Variants in ADCY7 observed in about 807,000 individuals in gnomAD.
The protein encoded by ADCY7 is adenylate cyclase 7.
ADCY7 carries 72 observed loss-of-function variants against 120.6 expected under a neutral mutation model. The ratio of observed to expected loss-of-function variants is 0.60; its 90% CI spans 0.49 to 0.73. The LOEUF is 0.73. Among genes scored for constraint, ADCY7 ranks in the 30% least tolerant of loss-of-function variants. ADCY7 has a pLI of 0.00. For synonymous variants in ADCY7, 661 were observed against 628.0 expected, an observed-to-expected ratio of 1.05 and a Z score of -0.78; for missense variants, 1,227 against 1,486.0, an observed-to-expected ratio of 0.83 and a Z score of 2.87.
intron 1 of ADCY7, among the ~76,000 whole-genome samples, chr16:50,251,283 G>A (rs757307931): frequency 6.6e-6 from 1 of 152,118 alleles, no homozygotes; most frequent in Non-Finnish European, 1.5e-5. Flanking sequence ...TGTCTTATGA[G>A]ATTGTGGTGT....
intron 1 of ADCY7, among the ~76,000 whole-genome samples, chr16:50,284,090 T>C (rs939808398): frequency 1.3e-5 from 2 of 152,146 alleles, no homozygotes; most frequent in Middle Eastern, 3.2e-3. Flanking sequence ...CCTTGAAAAC[T>C]TCCCGGGCAG....
Position 50,288,229 on chromosome 16 carries a change from A to T in ADCY7, c.50A>T (p.Asp17Val), listed in dbSNP as rs1382461066. The change falls in exon 2 of 26, where the codon GAC (aspartate) becomes GTC (valine). Residue 17 changes from aspartate to valine, a missense_variant. Transcript: ENST00000673801. ...CTCAACGAGGGCGAGGAGGGCCCTGACCAAGATGCGCTCTACGAGAAGTAC... is the reference window on the plus strand; with the variant it reads ...CTCAACGAGGGCGAGGAGGGCCCTGTCCAAGATGCGCTCTACGAGAAGTAC... ...YFLNEGEEGP[D>V]QDALYEKYQL... is the part of the protein sequence containing the mutation. 6.4e-7 allele frequency: 1 copy of T among 1,551,438 alleles called. No homozygotes were observed. Among genetic ancestry groups the T allele is most frequent in the Non-Finnish European group, 8.7e-7 (1 of 1,147,114 alleles).
At position 50,315,849 on chromosome 16, in the gene ADCY7, C is replaced by T; in HGVS notation, c.*344C>T. 4.2e-6 allele frequency: 1 copy of T among 237,950 alleles called. No homozygotes were observed. Among genetic ancestry groups the T allele is most frequent in the Non-Finnish European group, 8.6e-6 (1 of 116,580 alleles). 14.7% of individuals were successfully genotyped at this position (237,950 alleles called of 1,614,324 possible). On this transcript the variant is annotated 3_prime_UTR_variant, in exon 26 of 26. Transcript: ENST00000673801. ...TTAGCACATGATGAAAACAGACTTCCACCTCAGTGGCCTGTGGGCACGCAC... is the reference window on the plus strand; with the variant it reads ...TTAGCACATGATGAAAACAGACTTCTACCTCAGTGGCCTGTGGGCACGCAC...
At chr16:50,304,616 T>G (rs2035943052) in intron 11 of ADCY7, 65 bp downstream of exon 11, 3 of 1,436,228 alleles carry the variant, frequency 2.1e-6, no homozygotes, top group Middle Eastern at 1.9e-4. Flanking sequence ...GGAGAGTGAG[T>G]GCTGAAGATC....
In ADCY7 at chr16:50,316,699, G is replaced by GTCTT. The variant is rs1350172614; in HGVS notation, c.*1195_*1198dup. ...GCAAAAAGCCAGGTTTTGGGGATGT[G>GTCTT]TCTTACTGTGCTTCAACTTCCCAAG... On this transcript the variant is annotated 3_prime_UTR_variant, in exon 26 of 26. Transcript: ENST00000673801. 4 of 152,326 alleles carry GTCTT rather than the reference G, an allele frequency of 2.6e-5. No homozygotes were observed. Among genetic ancestry groups the GTCTT allele is most frequent in the African/African-American group, 9.7e-5 (4 of 41,432 alleles). 9.4% of individuals were successfully genotyped at this position (152,326 alleles called of 1,614,324 possible).
chr16:50,315,654 C>CA lies in ADCY7; in HGVS notation c.*150dup. On this transcript the variant is annotated 3_prime_UTR_variant, in exon 26 of 26. Transcript: ENST00000673801. ...TTTGGACCTGCACTGGAGGATTTCTCAGACACATGCACCAGATTCTGGCTC... is the reference window on the plus strand; with the variant it reads ...TTTGGACCTGCACTGGAGGATTTCTCAAGACACATGCACCAGATTCTGGCTC... 1.0e-6 allele frequency: 1 copy of CA among 963,774 alleles called. No homozygotes were observed. The highest frequency in any genetic ancestry group is 1.7e-5 in the South Asian group (1 of 57,380). 59.7% of individuals were successfully genotyped at this position (963,774 alleles called of 1,614,324 possible).
At chr16:50,292,575 G>A (rs1490322556) in intron 4 of ADCY7, 101 bp from the exon 5 acceptor site, 1 of 1,436,272 alleles carries the variant, frequency 7.0e-7, no homozygotes, top group Admixed American at 2.0e-5. Flanking sequence ...TGAAGGTCAG[G>A]GAATGGGAAG....
At chr16:50,278,043 G>A (rs2034011819) in intron 1 of ADCY7, among the ~76,000 whole-genome samples, 2 of 151,370 alleles carry the variant, frequency 1.3e-5, no homozygotes, top group African/African-American at 2.4e-5. Flanking sequence ...GGTTGGTTGT[G>A]GGTTGCTTTT....
upstream of ADCY7, among the ~76,000 whole-genome samples, chr16:50,264,137 G>T (rs1417121754): frequency 6.6e-6 from 1 of 152,130 alleles, no homozygotes; most frequent in East Asian, 1.9e-4. Flanking sequence ...CCAATCAGCG[G>T]CCTCCCTAGA....
At chr16:50,298,035 G>A (rs1180318390) in intron 7 of ADCY7, among the ~76,000 whole-genome samples, 1 of 152,024 alleles carries the variant, frequency 6.6e-6, no homozygotes, top group African/African-American at 2.4e-5. Context: ...GAGGGCTCTC[G>A]GGGGTCCCCT....
At chr16:50,286,782 G>A (rs951845275) in intron 1 of ADCY7, among the ~76,000 whole-genome samples, 4 of 152,164 alleles carry the variant, frequency 2.6e-5, no homozygotes, top group Admixed American at 6.5e-5. Context: ...GAGGATGGCC[G>A]GTTCACTGAA....
At chr16:50,312,768 C>T in intron 21 of ADCY7, 122 bp from the exon 22 acceptor site, 2 of 893,996 alleles carry the variant, frequency 2.2e-6, no homozygotes, top group Non-Finnish European at 1.6e-6. Context: ...GCCCGCCCCC[C>T]TCCCCACTCC....
chr16:50,309,336 T>A, intron 17 of ADCY7: 1 of 530,454 alleles, frequency 1.9e-6, no homozygotes, highest in Non-Finnish European at 3.3e-6. Context: ...TCTGGGGGTG[T>A]CTGCACCCTC....
chr16:50,293,881 C>CG (rs2035166622), intron 6 of ADCY7, among the ~76,000 whole-genome samples: 1 of 152,210 alleles, frequency 6.6e-6, no homozygotes, highest in Admixed American at 6.5e-5. Context: ...AAGAGTGCCC[C>CG]GGTTCTGACA....
At chr16:50,280,036 A>AT (rs1475903926) in intron 1 of ADCY7, among the ~76,000 whole-genome samples, 10 of 152,172 alleles carry the variant, frequency 6.6e-5, no homozygotes, top group Non-Finnish European at 1.5e-5. Flanking sequence ...TCTTCTTCGT[A>AT]TATCTGGTAG....
chr16:50,271,967 T>TC (rs2033604138), intron 1 of ADCY7, among the ~76,000 whole-genome samples: 1 of 152,040 alleles, frequency 6.6e-6, no homozygotes, highest in African/African-American at 2.4e-5. Context: ...TGTCCCTGTT[T>TC]CCCCCACCAC....
rs1026239167 is a variant in ADCY7, at chr16:50,297,943, A to G, written c.949-961A>G. Among the ~76,000 whole-genome samples, 1 of 151,914 alleles carries G rather than the reference A, an allele frequency of 6.6e-6. No homozygotes were observed. Among genetic ancestry groups the G allele is most frequent in the African/African-American group, 2.4e-5 (1 of 41,360 alleles). On this transcript the variant is annotated intron_variant, in intron 7 of 25. Transcript: ENST00000673801. This position sits in a 1 kb window ranked among gnomAD's most constrained non-coding sequence, Gnocchi z 4.4. The stretch of plus-strand genomic sequence containing the variant: ...CTTCAGCTCCCCTAAAGCCCCACCC[A>G]TGAGGCCTCGGTGCATGTGGCCACC...
At chr16:50,251,650 T>G (rs2032759283) in intron 1 of ADCY7, among the ~76,000 whole-genome samples, 1 of 152,276 alleles carries the variant, frequency 6.6e-6, no homozygotes, top group Admixed American at 6.5e-5. Context: ...CCTGTACCCC[T>G]GGCCACGTTG....
intron 12 of ADCY7, 63 bp from the exon 13 acceptor site, chr16:50,305,440 C>T (rs879762996): frequency 1.0e-5 from 15 of 1,454,920 alleles, no homozygotes; most frequent in Admixed American, 1.7e-5. Flanking sequence ...TACGTCCACA[C>T]CCTCCTCTGG....
Sources: gnomAD v4.1 joint callset for allele counts (sites outside exome capture counted in the v4.1 genomes callset) on GRCh38, gnomAD v4.1.1 for gene constraint, Gnocchi (gnomAD v3.1) non-coding constraint, MANE v1.5 for transcripts, NCBI Gene and HGNC (gene_info 2026-07-23, HGNC 2026-07-21) for gene names.